Variants in WDR25 observed in about 807,000 individuals in gnomAD.
The protein encoded by WDR25 is WD repeat-containing protein 25.
In WDR25, 35 loss-of-function variants were observed where a neutral mutation model predicts 47.7. The ratio of observed to expected loss-of-function variants is 0.73; its 90% confidence interval spans 0.56 to 0.97. WDR25 has a LOEUF of 0.97. WDR25 is among the 50% of genes least tolerant of loss of function. The pLI, the probability that WDR25 is intolerant of heterozygous loss-of-function variation, is 0.00. For missense variants in WDR25, 634 were observed against 704.7 expected, an observed-to-expected ratio of 0.90 and a Z score of 1.14; for synonymous variants, 248 against 278.9, an observed-to-expected ratio of 0.89 and a Z score of 1.10.
chr14:100,408,544 C>A (rs1404000542), intron 2 of WDR25, among the ~76,000 whole-genome samples: 1 of 151,888 alleles, frequency 6.6e-6, no homozygotes, highest in Non-Finnish European at 1.5e-5. Flanking sequence ...ATCCCTGCTC[C>A]CCCCAGTCTC....
chr14:100,465,346 T>C (rs1487400695), intron 2 of WDR25, among the ~76,000 whole-genome samples: 1 of 152,126 alleles, frequency 6.6e-6, no homozygotes, highest in Non-Finnish European at 1.5e-5. Context: ...TCTGTCCCCA[T>C]TAAACAACTC....
At chr14:100,397,317 T>C (rs1162885443) in intron 2 of WDR25, among the ~76,000 whole-genome samples, 1 of 152,248 alleles carries the variant, frequency 6.6e-6, no homozygotes, top group Non-Finnish European at 1.5e-5. Context: ...CTGTTTCTTT[T>C]AAAAGGGCTT....
chr14:100,471,050 A>G (rs1030226286), intron 3 of WDR25, among the ~76,000 whole-genome samples: 3 of 151,892 alleles, frequency 2.0e-5, no homozygotes, highest in African/African-American at 7.3e-5. Flanking sequence ...CTGAGGCCAC[A>G]GTGGAGAGTG....
Position 100,500,519 on chromosome 14 carries a change from A to AC in WDR25, c.1101+16398dup, listed in dbSNP as rs755087070. Among the ~76,000 whole-genome samples, 2 of 151,998 alleles carry AC rather than the reference A, an allele frequency of 1.3e-5. No individual in the cohort carries two copies. The highest frequency in any genetic ancestry group is 2.9e-5 in the Non-Finnish European group (2 of 67,990). ...AAGTGGCCTTTTTTGGTCCCTGTTGACCCTGTGCCTCATTAGAGAGATAGA... is the reference window on the plus strand; with the variant it reads ...AAGTGGCCTTTTTTGGTCCCTGTTGACCCCTGTGCCTCATTAGAGAGATAGA... On this transcript the variant is annotated intron_variant, in intron 4 of 6. Transcript: ENST00000402312. The surrounding 1 kb of genome is among the most constrained non-coding windows in gnomAD (Gnocchi z 4.7).
intron 2 of WDR25, among the ~76,000 whole-genome samples, chr14:100,412,192 GT>G (rs1469412681): frequency 3.4e-4 from 48 of 141,112 alleles, no homozygotes; most frequent in African/African-American, 1.3e-3. Flanking sequence ...GGGTGACAGA[GT>G]GAGACCCTGT....
chr14:100,398,582 C>T (rs920831133), intron 2 of WDR25, among the ~76,000 whole-genome samples: 3 of 151,798 alleles, frequency 2.0e-5, no homozygotes, highest in Admixed American at 2.0e-4. Flanking sequence ...ATGGTAACAT[C>T]TTGCATAACC....
In WDR25 at chr14:100,449,294, C is replaced by T. The variant is rs572946359; in HGVS notation, c.823-18727C>T. Among the ~76,000 whole-genome samples, 76 of 152,346 alleles carry T rather than the reference C, an allele frequency of 5.0e-4. No individual in the cohort carries two copies. The highest frequency in any genetic ancestry group is 1.0e-3 in the Non-Finnish European group (69 of 68,034). On this transcript the variant is annotated intron_variant, in intron 2 of 6. Transcript: ENST00000402312. This position sits in a 1 kb window ranked among gnomAD's most constrained non-coding sequence, Gnocchi z 4.2. ...CCCATCAGGGAGGGCCAGGGAGAAC[C>T]GTGGCTTCGATAATGGTATGGGCCT...
chr14:100,493,559 A>G (rs1055124582), intron 4 of WDR25, among the ~76,000 whole-genome samples: 1 of 152,126 alleles, frequency 6.6e-6, no homozygotes, highest in Non-Finnish European at 1.5e-5. Flanking sequence ...GCCCATTCTT[A>G]TGCACAACCT....
intron 2 of WDR25, among the ~76,000 whole-genome samples, chr14:100,436,415 T>C (rs1440594251): frequency 1.3e-5 from 2 of 152,216 alleles, no homozygotes; most frequent in Non-Finnish European, 2.9e-5. Context: ...AGAATTCATT[T>C]CCTTTGTTTA....
intron 4 of WDR25, among the ~76,000 whole-genome samples, chr14:100,484,824 C>T (rs1595136591): frequency 6.6e-6 from 1 of 152,186 alleles, no homozygotes; most frequent in African/African-American, 2.4e-5. Context: ...TATTGTCTCT[C>T]GCTGGGATGG....
At chr14:100,417,952 T>G (rs1231626679) in intron 2 of WDR25, among the ~76,000 whole-genome samples, 3 of 151,790 alleles carry the variant, frequency 2.0e-5, no homozygotes, top group Non-Finnish European at 4.4e-5. Flanking sequence ...TGTCTTTTTT[T>G]TTTTTTTGAG....
chr14:100,449,665 C>A lies in WDR25; in HGVS notation c.823-18356C>A, dbSNP rs1011335643. 1.3e-5 allele frequency among the ~76,000 whole-genome samples: 2 copies of A among 152,256 alleles called. No homozygotes were observed. The highest frequency in any genetic ancestry group is 4.8e-5 in the African/African-American group (2 of 41,480). ...GGTGATGCTTCCAGGAGCCCCCACT[C>A]AGTAACTGCTGAGAGCATCCCTGAG... On this transcript the variant is annotated intron_variant, in intron 2 of 6. Coordinates refer to ENST00000402312, the MANE Select transcript of WDR25 (RefSeq NM_001161476.3). The surrounding 1 kb of genome is among the most constrained non-coding windows in gnomAD (Gnocchi z 4.2).
In WDR25 at chr14:100,530,268, A is replaced by C; in HGVS notation, c.*227A>C. 1.8e-6 allele frequency: 1 copy of C among 558,434 alleles called. No individual in the cohort carries two copies. 34.6% of individuals were successfully genotyped at this position (558,434 alleles called of 1,614,324 possible). A position where few individuals can be genotyped will look rare whatever the true frequency, so the allele number is the denominator to read the frequency against. On this transcript the variant is annotated 3_prime_UTR_variant, in exon 7 of 7. Coordinates refer to ENST00000402312, the MANE Select transcript of WDR25 (RefSeq NM_001161476.3). ...GCGGGCAGCCGGCGATGCCCAATAA[A>C]TGTGTGTTTTGCTGTTTGTTAAGTG...
In WDR25 at chr14:100,488,120, T is replaced by C. The variant is rs1241598410; in HGVS notation, c.1101+3996T>C. Among the ~76,000 whole-genome samples the C allele has an allele frequency of 6.6e-6, 1 of 152,228 alleles. No homozygotes were observed. Among genetic ancestry groups the C allele is most frequent in the Non-Finnish European group, 1.5e-5 (1 of 68,032 alleles). On this transcript the variant is annotated intron_variant, in intron 4 of 6. Coordinates refer to ENST00000402312, the MANE Select transcript of WDR25 (RefSeq NM_001161476.3). This position sits in a 1 kb window ranked among gnomAD's most constrained non-coding sequence, Gnocchi z 4.2. ...TGTTTGGCTCCCTGTCTCCTCTTCT[T>C]GGTGATCTTGGGTGATCTCTCCGCC...
chr14:100,405,318 C>T (rs550742532), intron 2 of WDR25, among the ~76,000 whole-genome samples: 6 of 152,184 alleles, frequency 3.9e-5, no homozygotes, highest in African/African-American at 9.6e-5. Flanking sequence ...TGCACCACCA[C>T]GCCTGGCTAA....
At chr14:100,473,888 AT>A (rs1899931300) in intron 3 of WDR25, among the ~76,000 whole-genome samples, 1 of 152,200 alleles carries the variant, frequency 6.6e-6, no homozygotes, top group South Asian at 2.1e-4. Flanking sequence ...GGAGGACTTG[AT>A]TAGGTATCCC....
In WDR25 at chr14:100,393,705, G is replaced by T. The variant is rs542318896; in HGVS notation, c.822+11959G>T. ...TTGGAAAGGGAGCGAGGGCTGTTTT[G>T]CCTGGAGGGGTGTAGTGCAGGTTGG... On this transcript the variant is annotated intron_variant, in intron 2 of 6. Coordinates refer to ENST00000402312, the MANE Select transcript of WDR25 (RefSeq NM_001161476.3). Among the ~76,000 whole-genome samples the T allele has an allele frequency of 1.4e-4, 22 of 152,332 alleles. No individual in the cohort carries two copies. In the South Asian group the frequency reaches 4.1e-3, roughly 29 times the overall value.
chr14:100,429,446 C>T (rs926763974), intron 2 of WDR25, among the ~76,000 whole-genome samples: 13 of 152,152 alleles, frequency 8.5e-5, no homozygotes, highest in African/African-American at 2.2e-4. Flanking sequence ...CATCTTATAT[C>T]GGAGCCCACT....
chr14:100,402,318 CTTTA>C (rs1373343058), intron 2 of WDR25, among the ~76,000 whole-genome samples: 1 of 151,768 alleles, frequency 6.6e-6, no homozygotes, highest in Non-Finnish European at 1.5e-5. Context: ...GAGGGACAAT[CTTTA>C]TTTAAGACAC....
Sources: gnomAD v4.1 joint callset for allele counts (sites outside exome capture counted in the v4.1 genomes callset) on GRCh38, gnomAD v4.1.1 for gene constraint, Gnocchi (gnomAD v3.1) non-coding constraint, MANE v1.5 for transcripts, NCBI Gene and HGNC (gene_info 2026-07-23, HGNC 2026-07-21) for gene names.